The following ANKS1B variants were observed in gnomAD, a reference collection of about 807,000 sequenced individuals.
The protein encoded by ANKS1B is ankyrin repeat and sterile alpha motif domain containing 1B.
In ANKS1B, 36 loss-of-function variants were observed where a neutral mutation model predicts 148.3. The ratio of observed to expected loss-of-function variants is 0.24; its 90% CI spans 0.19 to 0.32. ANKS1B has a LOEUF of 0.32. Ranked by LOEUF, ANKS1B falls within the 10% of genes least tolerant of loss-of-function variation. ANKS1B has a pLI of 1.00. For synonymous variants in ANKS1B, 542 were observed against 560.8 expected (o/e 0.97, Z 0.47); for missense variants, 1,157 against 1,542.6 (o/e 0.75, Z 4.19).
At chr12:99,701,907 A>G (rs1212732245) in intron 8 of ANKS1B, among the ~76,000 whole-genome samples, 1 of 152,146 alleles carries the variant, frequency 6.6e-6, no homozygotes, top group East Asian at 1.9e-4. Context: ...TCCATCATGT[A>G]TATGTGCCAC....
chr12:99,417,760 A>G (rs1214614860), intron 11 of ANKS1B, among the ~76,000 whole-genome samples: 1 of 152,170 alleles, frequency 6.6e-6, no homozygotes, highest in Non-Finnish European at 1.5e-5. Flanking sequence ...TACATGTTAA[A>G]GAGGAGTTCA....
chr12:99,366,929 T>C (rs535899267), intron 12 of ANKS1B, among the ~76,000 whole-genome samples: 1 of 152,256 alleles, frequency 6.6e-6, no homozygotes, highest in East Asian at 1.9e-4. Context: ...TTGCAACTTA[T>C]ATCACAGGAG....
intron 1 of ANKS1B, among the ~76,000 whole-genome samples, chr12:99,928,285 T>A (rs2153805549): frequency 6.7e-6 from 1 of 150,228 alleles, no homozygotes; most frequent in African/African-American, 2.4e-5. Context: ...TTTTTTTTTT[T>A]TTTTGAGACG....
Position 99,005,836 on chromosome 12 carries a change from G to A in ANKS1B, c.2778+47321C>T, listed in dbSNP as rs145578181. ...CAGATGTGAGTCAAAAACATATGCTGATGAACTCAATTTGCTGATGGCATT... is the reference window on the plus strand; with the variant it reads ...CAGATGTGAGTCAAAAACATATGCTAATGAACTCAATTTGCTGATGGCATT... On this transcript the variant is annotated intron_variant, in intron 17 of 26. Transcript: ENST00000683438. 6.6e-3 allele frequency among the ~76,000 whole-genome samples: 1,002 copies of A among 152,260 alleles called. 14 individuals carry two copies. The highest frequency in any genetic ancestry group is 0.023 in the African/African-American group (940 of 41,548).
In ANKS1B at chr12:99,922,316, G is replaced by T. The variant is rs1050324684; in HGVS notation, c.134+61788C>A. The stretch of plus-strand genomic sequence containing the variant: ...AGGACTTCTTTAATTCTTCCAACAG[G>T]TGATAAATTGTTACTAGGTTTAAGA... On this transcript the variant is annotated intron_variant, in intron 1 of 26. Coordinates refer to ENST00000683438, the MANE Select transcript of ANKS1B (RefSeq NM_001352186.2). Among the ~76,000 whole-genome samples, 8 of 152,078 alleles carry T rather than the reference G, an allele frequency of 5.3e-5. No individual in the cohort carries two copies. The South Asian group carries it at 1.7e-3, about 32-fold the overall frequency.
chr12:99,841,805 T>C (rs1458537045), intron 1 of ANKS1B, among the ~76,000 whole-genome samples: 1 of 152,102 alleles, frequency 6.6e-6, no homozygotes, highest in African/African-American at 2.4e-5. Flanking sequence ...AAATCGGTTG[T>C]TATTGTCCAT....
chr12:99,547,739 A>C (rs1484665050), intron 9 of ANKS1B, among the ~76,000 whole-genome samples: 1 of 152,180 alleles, frequency 6.6e-6, no homozygotes, highest in Non-Finnish European at 1.5e-5. Context: ...CAGGAAGTGA[A>C]ACACTCCCAT....
Position 98,744,232 on chromosome 12 carries a change from TA to T in ANKS1B, c.*1506del. The T allele has an allele frequency of 8.3e-6, 8 of 958,280 alleles. No homozygotes were observed. Among genetic ancestry groups the T allele is most frequent in the Non-Finnish European group, 8.7e-6 (7 of 804,846 alleles). The allele number at this position is 958,280 out of a possible 1,614,324, so 59.4% of individuals were successfully genotyped here. On this transcript the variant is annotated 3_prime_UTR_variant, in exon 27 of 27. Transcript: ENST00000683438. ...AAGGAACTGTTCAGTTCAAGTAATT[TA>T]ATATTGTATTAAAATTCTTCAACAC...
At chr12:98,753,120 C>T (rs75810604) in intron 25 of ANKS1B, among the ~76,000 whole-genome samples, 27 of 152,338 alleles carry the variant, frequency 1.8e-4, no homozygotes, top group African/African-American at 5.5e-4. Flanking sequence ...CTAGATGCCA[C>T]GCCAAGCAGC....
chr12:99,241,684 A>G (rs1302607679), intron 14 of ANKS1B, among the ~76,000 whole-genome samples: 1 of 152,234 alleles, frequency 6.6e-6, no homozygotes, highest in African/African-American at 2.4e-5. Flanking sequence ...GCAGCACATC[A>G]AGAAGCTTAT....
chr12:99,719,387 C>T (rs1273607018), intron 8 of ANKS1B, among the ~76,000 whole-genome samples: 2 of 152,166 alleles, frequency 1.3e-5, no homozygotes, highest in South Asian at 2.1e-4. Flanking sequence ...CCACACCTGA[C>T]CCCCATGACT....
intron 15 of ANKS1B, among the ~76,000 whole-genome samples, chr12:99,129,568 G>A (rs1181718080): frequency 1.3e-5 from 2 of 152,148 alleles, no homozygotes; most frequent in Non-Finnish European, 2.9e-5. Flanking sequence ...TCAGTCTTGA[G>A]GTAGAGCATG....
intron 8 of ANKS1B, among the ~76,000 whole-genome samples, chr12:99,746,028 C>T (rs1363167443): frequency 6.6e-6 from 1 of 152,128 alleles, no homozygotes; most frequent in Non-Finnish European, 1.5e-5. Flanking sequence ...TATTCCCACT[C>T]TACCAGTAAT....
chr12:99,230,098 C>T (rs2086598061), intron 14 of ANKS1B, among the ~76,000 whole-genome samples: 1 of 151,978 alleles, frequency 6.6e-6, no homozygotes, highest in Admixed American at 6.6e-5. Context: ...TAATTACAGC[C>T]TCCCAATAAT....
chr12:99,521,945 A>G (rs1361303246), intron 9 of ANKS1B, among the ~76,000 whole-genome samples: 2 of 152,318 alleles, frequency 1.3e-5, no homozygotes, highest in East Asian at 3.9e-4. Flanking sequence ...AAAGCCAGCC[A>G]GGTCTGTGTC....
At chr12:99,469,029 T>C (rs2096188749) in intron 10 of ANKS1B, among the ~76,000 whole-genome samples, 1 of 151,864 alleles carries the variant, frequency 6.6e-6, no homozygotes, top group South Asian at 2.1e-4. Context: ...AGCAAAGACT[T>C]GGAACCAACC....
intron 17 of ANKS1B, among the ~76,000 whole-genome samples, chr12:98,859,882 G>A (rs559489729): frequency 3.3e-5 from 5 of 152,160 alleles, no homozygotes; most frequent in African/African-American, 7.2e-5. Flanking sequence ...CTTGACTTGC[G>A]AAAAAATTTT....
intron 17 of ANKS1B, among the ~76,000 whole-genome samples, chr12:98,928,357 A>G (rs1040355802): frequency 1.3e-5 from 2 of 151,914 alleles, no homozygotes; most frequent in African/African-American, 4.8e-5. Context: ...TCTACCAAAT[A>G]CTTAAAGAAT....
Position 99,358,462 on chromosome 12 carries a change from TAA to T in ANKS1B, c.1756+41167_1756+41168del, listed in dbSNP as rs753864072. 1.2e-3 allele frequency among the ~76,000 whole-genome samples: 180 copies of T among 152,268 alleles called. 1 individual carries two copies. The Middle Eastern group carries it at 0.031, about 26-fold the overall frequency. ...ATTTAGTAGGGTTTTTATATTCTAT[TAA>T]GTTTCATAAATTTCTACATTCTACT... On this transcript the variant is annotated intron_variant, in intron 12 of 26. Transcript: ENST00000683438.
Sources: allele counts gnomAD v4.1 joint callset (sites outside exome capture counted in the v4.1 genomes callset), GRCh38; gene constraint gnomAD v4.1.1; transcripts MANE v1.5; gene names NCBI Gene and HGNC (gene_info 2026-07-23, HGNC 2026-07-21).